CSMD1: variants seen among roughly 807,000 people sequenced by gnomAD.
The protein encoded by CSMD1 is CUB and sushi domain-containing protein 1.
In CSMD1, 213 loss-of-function variants were observed where a neutral mutation model predicts 417.5. The ratio of observed to expected loss-of-function variants is 0.51; its 90% CI spans 0.46 to 0.57. The LOEUF (loss-of-function observed/expected upper bound fraction) is 0.57. Ranked by LOEUF, CSMD1 falls within the 20% of genes least tolerant of loss-of-function variation. CSMD1 has a pLI of 0.00. For missense variants in CSMD1, 6,923 were observed against 4,529.7 expected (o/e 1.53, Z -15.17); for synonymous variants, 2,862 against 1,736.8 (o/e 1.65, Z -16.11).
Position 4,887,449 on chromosome 8 carries a change from C to T in CSMD1, c.85+106883G>A, listed in dbSNP as rs185831586. Among the ~76,000 whole-genome samples the T allele has an allele frequency of 1.6e-3, 241 of 152,104 alleles. 5 individuals are homozygous for T. The highest frequency in any genetic ancestry group is 5.7e-3 in the African/African-American group (237 of 41,496). ...ACCGAGGTATATTAGATTTTTTTCACTTGGCTACTTTTACAAACGTTTTTG... is the reference window on the plus strand; with the variant it reads ...ACCGAGGTATATTAGATTTTTTTCATTTGGCTACTTTTACAAACGTTTTTG... On this transcript the variant is annotated intron_variant, in intron 1 of 69. Coordinates refer to ENST00000635120, the MANE Select transcript of CSMD1 (RefSeq NM_033225.6).
At chr8:4,429,959 G>T (rs971508921) in intron 2 of CSMD1, among the ~76,000 whole-genome samples, 2 of 152,130 alleles carry the variant, frequency 1.3e-5, no homozygotes, top group Non-Finnish European at 2.9e-5. Context: ...AAGAGGCAAA[G>T]GGGAGAATCC....
intron 1 of CSMD1, among the ~76,000 whole-genome samples, chr8:4,671,768 C>G (rs1443462001): frequency 6.6e-6 from 1 of 152,140 alleles, no homozygotes; most frequent in Non-Finnish European, 1.5e-5. Context: ...TGCACGCTCA[C>G]AAGCATGCCT....
At chr8:4,125,422 A>C (rs529628105) in intron 3 of CSMD1, among the ~76,000 whole-genome samples, 2 of 152,192 alleles carry the variant, frequency 1.3e-5, no homozygotes, top group Non-Finnish European at 2.9e-5. Flanking sequence ...ACCAATGCAC[A>C]TCTTTCATCT....
At chr8:3,920,709 C>T (rs1385747973) in intron 5 of CSMD1, among the ~76,000 whole-genome samples, 1 of 150,564 alleles carries the variant, frequency 6.6e-6, no homozygotes, top group Non-Finnish European at 1.5e-5. Flanking sequence ...TTGTCAAATG[C>T]TTTTTTGTGC....
At chr8:3,121,243 C>T (rs553056144) in intron 41 of CSMD1, among the ~76,000 whole-genome samples, 1 of 152,266 alleles carries the variant, frequency 6.6e-6, no homozygotes, top group African/African-American at 2.4e-5. Context: ...TGGTTAAGCC[C>T]TGACTATAGT....
chr8:3,349,905 T>A (rs1384457591), intron 21 of CSMD1, among the ~76,000 whole-genome samples: 5 of 141,336 alleles, frequency 3.5e-5, no homozygotes, highest in Non-Finnish European at 6.1e-5. Flanking sequence ...AATATATATT[T>A]ATATATATTT....
chr8:3,292,302 T>C (rs959965591), intron 25 of CSMD1, among the ~76,000 whole-genome samples: 14 of 152,150 alleles, frequency 9.2e-5, no homozygotes, highest in African/African-American at 2.4e-4. Context: ...ATGTATATTT[T>C]GTTGATTTGG....
chr8:3,188,387 A>T (rs1585599703), intron 35 of CSMD1, among the ~76,000 whole-genome samples: 1 of 140,384 alleles, frequency 7.1e-6, no homozygotes, highest in Admixed American at 8.1e-5. Flanking sequence ...GCTCACTGCA[A>T]CCTCCGCCTC....
intron 3 of CSMD1, among the ~76,000 whole-genome samples, chr8:4,273,747 A>G (rs1223244820): frequency 6.6e-6 from 1 of 152,172 alleles, no homozygotes; most frequent in Non-Finnish European, 1.5e-5. Context: ...CAAAACACTG[A>G]CAGCTCAGCA....
intron 3 of CSMD1, among the ~76,000 whole-genome samples, chr8:4,236,340 T>C (rs1412302911): frequency 1.3e-5 from 2 of 151,964 alleles, no homozygotes; most frequent in South Asian, 4.2e-4. Flanking sequence ...AGTGCATGAG[T>C]CACACAAACC....
intron 2 of CSMD1, among the ~76,000 whole-genome samples, chr8:4,458,603 A>C (rs1799626093): frequency 6.6e-6 from 1 of 152,188 alleles, no homozygotes; most frequent in Non-Finnish European, 1.5e-5. Flanking sequence ...AAAAAAGAAA[A>C]ATCATCACCC....
intron 2 of CSMD1, among the ~76,000 whole-genome samples, chr8:4,434,074 A>C (rs1466788327): frequency 6.6e-6 from 1 of 152,158 alleles, no homozygotes; most frequent in African/African-American, 2.4e-5. Flanking sequence ...ATTGGGACTC[A>C]CGCCTGTGAT....
intron 10 of CSMD1, among the ~76,000 whole-genome samples, chr8:3,500,907 G>A (rs1247270913): frequency 1.3e-5 from 2 of 152,168 alleles, no homozygotes; most frequent in East Asian, 1.9e-4. Context: ...GAATGTGTCA[G>A]AGAGGATTTT....
chr8:4,527,673 G>C (rs1460987682), intron 2 of CSMD1, among the ~76,000 whole-genome samples: 1 of 152,170 alleles, frequency 6.6e-6, no homozygotes, highest in Admixed American at 6.5e-5. Context: ...ACATAGCAGA[G>C]AGTGGAACTT....
intron 28 of CSMD1, among the ~76,000 whole-genome samples, chr8:3,222,843 T>C (rs947975682): frequency 2.6e-5 from 4 of 152,146 alleles, no homozygotes; most frequent in Non-Finnish European, 5.9e-5. Flanking sequence ...CATAGAAACG[T>C]AAAATTCTAC....
At chr8:4,418,294 T>C (rs963346672) in intron 3 of CSMD1, among the ~76,000 whole-genome samples, 3 of 152,282 alleles carry the variant, frequency 2.0e-5, no homozygotes, top group Non-Finnish European at 2.9e-5. Context: ...AGAAAGTTTT[T>C]CAGTTGATCT....
At chr8:4,537,731 C>G (rs756092847) in intron 2 of CSMD1, among the ~76,000 whole-genome samples, 2 of 152,118 alleles carry the variant, frequency 1.3e-5, no homozygotes, top group Non-Finnish European at 2.9e-5. Flanking sequence ...AGCGAAGCCA[C>G]GGGAATACGC....
At chr8:4,760,467 G>A (rs1429702258) in intron 1 of CSMD1, among the ~76,000 whole-genome samples, 1 of 152,052 alleles carries the variant, frequency 6.6e-6, no homozygotes, top group South Asian at 2.1e-4. Context: ...ATATGCTACT[G>A]ACTAATCCTG....
intron 26 of CSMD1, among the ~76,000 whole-genome samples, chr8:3,270,121 C>T (rs1801732162): frequency 7.9e-6 from 1 of 127,094 alleles, no homozygotes; most frequent in African/African-American, 3.1e-5. Context: ...ACTGTCTTGG[C>T]CCACTGCAAC....
Sources: allele counts gnomAD v4.1 joint callset (sites outside exome capture counted in the v4.1 genomes callset), GRCh38; gene constraint gnomAD v4.1.1; transcripts MANE v1.5; gene names NCBI Gene and HGNC (gene_info 2026-07-23, HGNC 2026-07-21).